HMCN2: variants seen among roughly 807,000 people sequenced by gnomAD.
The protein encoded by HMCN2 is hemicentin 2.
A neutral mutation model predicts 377.5 loss-of-function variants in HMCN2; 325 were observed. The ratio of observed to expected loss-of-function variants is 0.86; its 90% CI spans 0.79 to 0.94. HMCN2 has a LOEUF of 0.94. HMCN2 is among the 40% of genes least tolerant of loss of function. The pLI, the probability that HMCN2 is intolerant of heterozygous loss-of-function variation, is 0.00. For missense variants in HMCN2, 4,543 were observed against 4,725.3 expected, an observed-to-expected ratio of 0.96 and a Z score of 1.13; for synonymous variants, 2,007 against 2,046.8, an observed-to-expected ratio of 0.98 and a Z score of 0.53.
chr9:130,346,348 C>A (rs1839391565), intron 25 of HMCN2, among the ~76,000 whole-genome samples: 1 of 152,154 alleles, frequency 6.6e-6, no homozygotes. Context: ...AATGAAAGCT[C>A]CACTCCAGCC....
At chr9:130,300,862 C>G (rs1309538350) in intron 8 of HMCN2, among the ~76,000 whole-genome samples, 1 of 152,240 alleles carries the variant, frequency 6.6e-6, no homozygotes, top group South Asian at 2.1e-4. Flanking sequence ...GCCCCTGGTC[C>G]TAACAGGGAT....
Position 130,308,209 on chromosome 9 carries a change from G to A in HMCN2, c.2200+643G>A, listed in dbSNP as rs551443366. 4.6e-5 allele frequency among the ~76,000 whole-genome samples: 7 copies of A among 152,170 alleles called. No individual in the cohort carries two copies. Among genetic ancestry groups the A allele is most frequent in the Non-Finnish European group, 7.3e-5 (5 of 68,046 alleles). On this transcript the variant is annotated intron_variant, in intron 14 of 97. Coordinates refer to ENST00000683500, the MANE Select transcript of HMCN2 (RefSeq NM_001291815.2). This position sits in a 1 kb window ranked among gnomAD's most constrained non-coding sequence, Gnocchi z 4.1. The stretch of plus-strand genomic sequence containing the variant: ...TGACCTCAGGTGACCCACTCGCCTC[G>A]GCTTCCCAAAGTGCTGGGATGACAG...
intron 6 of HMCN2, among the ~76,000 whole-genome samples, chr9:130,296,283 C>T (rs1319821245): frequency 6.6e-6 from 1 of 152,182 alleles, no homozygotes; most frequent in Non-Finnish European, 1.5e-5. Flanking sequence ...AGGCACTGTG[C>T]TAGGTGTTGC....
chr9:130,350,149 A>G (rs1237773849), intron 29 of HMCN2, among the ~76,000 whole-genome samples: 3 of 151,296 alleles, frequency 2.0e-5, no homozygotes, highest in Non-Finnish European at 4.4e-5. Flanking sequence ...GCTTCAAGCA[A>G]TCCTCCTGCC....
Position 130,306,851 on chromosome 9 carries a change from G to A in HMCN2, c.1999G>A (p.Val667Ile), listed in dbSNP as rs1198593774. 2 of 470,904 alleles carry A rather than the reference G, an allele frequency of 4.2e-6. No homozygotes were observed. The highest frequency in any genetic ancestry group is 2.0e-5 in the African/African-American group (1 of 50,076). 29.2% of individuals were successfully genotyped at this position (470,904 alleles called of 1,614,324 possible). Residue 667 changes from valine (V) to isoleucine (I), a missense_variant, in exon 13 of 98, where the codon GTA becomes ATA. By Grantham distance (29) the Val-to-Ile change is conservative. This residue lies in a region of HMCN2 where 547 missense variants were observed against 189.9 expected (regional missense o/e 2.88). Transcript: ENST00000683500. ...ACAGGGAACCCTGATTATTCAGGGG[G>A]TAGCCCCAGAGGATGCTGGGAATTA... is the stretch of plus-strand genomic sequence containing the variant. The part of the protein sequence containing the change: ...DAQGTLIIQG[V>I]APEDAGNYSC...
At chr9:130,295,170 G>A (rs1436184483) in intron 5 of HMCN2, 144 bp downstream of exon 5, 3 of 287,220 alleles carry the variant, frequency 1.0e-5, no homozygotes, top group Admixed American at 4.7e-5. Context: ...GGGGGGACAC[G>A]AAGTGGAGAG....
chr9:130,277,781 TCAC>T (rs1564739422), intron 1 of HMCN2, among the ~76,000 whole-genome samples: 4 of 64,656 alleles, frequency 6.2e-5, no homozygotes, highest in Admixed American at 1.4e-4. Context: ...ACCATCATCA[TCAC>T]CACCACCATC....
intron 96 of HMCN2, 34 bp downstream of exon 96, chr9:130,431,520 G>T (rs985550253): frequency 1.3e-6 from 2 of 1,543,042 alleles, no homozygotes; most frequent in Non-Finnish European, 8.7e-7. Flanking sequence ...CCAAACACCC[G>T]TGGGGCTAGG....
At position 130,349,590 on chromosome 9, in the gene HMCN2, G is replaced by A. The variant is rs994707144; in HGVS notation, c.4357G>A (p.Gly1453Ser). ...CGCTCAGGAGGTGCTAGGATTGGCC[G>A]GTGCAGACGTGGAGCTGCAGTGTTG... Reference protein sequence around the residue: ...GAAQEVLGLAGADVELQCWTS... With the variant: ...GAAQEVLGLASADVELQCWTS... Residue 1453 changes from glycine (G) to serine (S), a missense_variant, in exon 29 of 98, where the codon GGT becomes AGT. By Grantham distance (56) the Gly-to-Ser change is moderately conservative. Around this residue, in one of 5 missense-constraint regions of HMCN2, gnomAD observed 1,032 missense variants for 1,285.1 expected, o/e 0.80. Transcript: ENST00000683500. The A allele has an allele frequency of 1.5e-5, 19 of 1,303,880 alleles. No individual in the cohort carries two copies. Among genetic ancestry groups the A allele is most frequent in the East Asian group, 5.5e-5 (1 of 18,024 alleles). The allele number at this position is 1,303,880 out of a possible 1,614,324, so 80.8% of individuals were successfully genotyped here.
chr9:130,335,897 C>A (rs1198136004), intron 22 of HMCN2, among the ~76,000 whole-genome samples: 1 of 152,168 alleles, frequency 6.6e-6, no homozygotes, highest in Non-Finnish European at 1.5e-5. Flanking sequence ...CTACCTAGGG[C>A]TTTTTAGTAA....
intron 8 of HMCN2, 29 bp downstream of exon 8, chr9:130,299,317 G>A (rs1429407179): frequency 9.5e-6 from 4 of 419,036 alleles, no homozygotes; most frequent in African/African-American, 8.3e-5. Context: ...TGTCTCCCAG[G>A]CCCCTGGCTC....
At chr9:130,380,800 A>G (rs1399902509) in intron 54 of HMCN2, among the ~76,000 whole-genome samples, 4 of 151,888 alleles carry the variant, frequency 2.6e-5, no homozygotes, top group South Asian at 2.1e-4. Context: ...AAGAAAAAAA[A>G]AAAAAAAAGA....
At position 130,403,822 on chromosome 9, in the gene HMCN2, T is replaced by C; in HGVS notation, c.12095T>C (p.Ile4032Thr). 4 of 1,289,798 alleles carry C rather than the reference T, an allele frequency of 3.1e-6. No homozygotes were observed. Among genetic ancestry groups the C allele is most frequent in the Non-Finnish European group, 4.0e-6 (4 of 988,870 alleles). 79.9% of individuals were successfully genotyped at this position (1,289,798 alleles called of 1,614,324 possible). A position where few individuals can be genotyped will look rare whatever the true frequency, so the allele number is the denominator to read the frequency against. ...GAGGATGCTGGAAACTATCTCTGCA[T>C]CGCTAAGAACAGTGCGGGCAGTGCC... ...SPEDAGNYLC[I>T]AKNSAGSAMG... is the part of the protein sequence containing the mutation. Residue 4032 changes from isoleucine (I) to threonine (T), a missense_variant, in exon 80 of 98, where the codon ATC (isoleucine) becomes ACC (threonine). This residue lies in a region of HMCN2 where 1,073 missense variants were observed against 1,319.5 expected (regional missense o/e 0.81). Coordinates refer to ENST00000683500, the MANE Select transcript of HMCN2 (RefSeq NM_001291815.2).
At chr9:130,313,604 C>CCCG (rs1554939709) in intron 15 of HMCN2, among the ~76,000 whole-genome samples, 1 of 151,630 alleles carries the variant, frequency 6.6e-6, no homozygotes, top group Non-Finnish European at 1.5e-5. Flanking sequence ...GTGGGCACCC[C>CCCG]CCCCCATAAA....
chr9:130,339,997 A>G (rs1838962301), intron 23 of HMCN2, among the ~76,000 whole-genome samples: 1 of 152,172 alleles, frequency 6.6e-6, no homozygotes, highest in Non-Finnish European at 1.5e-5. Flanking sequence ...GGACCCTTGG[A>G]CACTCAGACC....
chr9:130,424,451 G>C (rs1336603570), intron 87 of HMCN2, among the ~76,000 whole-genome samples: 1 of 151,832 alleles, frequency 6.6e-6, no homozygotes, highest in African/African-American at 2.4e-5. Flanking sequence ...CTCCCAAAGT[G>C]CTGGGATTAC....
At chr9:130,403,148 G>T in intron 78 of HMCN2, 46 bp from the exon 79 acceptor site, 1 of 1,269,298 alleles carries the variant, frequency 7.9e-7, no homozygotes, top group Non-Finnish European at 1.0e-6. Flanking sequence ...TGGAGGAGTT[G>T]TGTTAAGGAC....
chr9:130,425,287 A>C (rs1267381009), intron 89 of HMCN2, among the ~76,000 whole-genome samples, 157 bp downstream of exon 89: 1 of 152,158 alleles, frequency 6.6e-6, no homozygotes, highest in Non-Finnish European at 1.5e-5. Flanking sequence ...TAGGATGAGC[A>C]GTTGTAACAG....
Position 130,405,022 on chromosome 9 carries a change from T to C in HMCN2, c.12302T>C (p.Ile4101Thr), listed in dbSNP as rs79881769. Reference sequence around the variant, plus strand: ...TCGGGCGCCGAGGGGAAGTTCACCATCCAGCCTTCTGGGGAGTTGCTGGTG... The same window carrying C: ...TCGGGCGCCGAGGGGAAGTTCACCACCCAGCCTTCTGGGGAGTTGCTGGTG... ...PVSGAEGKFT[I>T]QPSGELLVKN... Residue 4101 changes from isoleucine (I) to threonine (T), a missense_variant, in exon 81 of 98, where the codon ATC becomes ACC. Physicochemically the swap from Ile to Thr is moderately conservative, Grantham distance 89. Around this residue, in one of 5 missense-constraint regions of HMCN2, gnomAD observed 1,073 missense variants for 1,319.5 expected, o/e 0.81. Coordinates refer to ENST00000683500, the MANE Select transcript of HMCN2 (RefSeq NM_001291815.2). 25,491 of 1,289,154 alleles carry C rather than the reference T, an allele frequency of 0.02. 321 individuals carry two copies. The highest frequency in any genetic ancestry group is 0.034 in the Middle Eastern group (158 of 4,694). The allele number at this position is 1,289,154 out of a possible 1,614,324, so 79.9% of individuals were successfully genotyped here. A position where few individuals can be genotyped will look rare whatever the true frequency, so the allele number is the denominator to read the frequency against.
Sources: allele counts gnomAD v4.1 joint callset (sites outside exome capture counted in the v4.1 genomes callset), GRCh38; gene constraint gnomAD v4.1.1; regional missense constraint gnomAD v4.1.1; non-coding constraint Gnocchi (gnomAD v3.1); transcripts MANE v1.5; gene names NCBI Gene and HGNC (gene_info 2026-07-23, HGNC 2026-07-21).